Variants in RBM23 observed in about 807,000 individuals in gnomAD.
RBM23 encodes probable RNA-binding protein 23.
A neutral mutation model predicts 56.2 loss-of-function variants in RBM23; 53 were observed. The ratio of observed to expected loss-of-function variants is 0.94; its 90% CI spans 0.76 to 1.19. The LOEUF (loss-of-function observed/expected upper bound fraction) is 1.19, where lower values mean the gene tolerates loss of function less well. Ranked by LOEUF, RBM23 falls within the 50% of genes most tolerant of loss-of-function variation. The pLI is 0.00. For synonymous variants in RBM23, 197 were observed against 198.5 expected (o/e 0.99, Z 0.06); for missense variants, 642 against 590.3 (o/e 1.09, Z -0.91).
Position 22,898,178 on chromosome 14 carries a change from A to C in RBM23, c.*3552T>G, listed in dbSNP as rs1327115282. ...GTTCACAGGTCAAGCCTCTGCTTCT[A>C]CTGGTAACTCCTATCTGGGGGTTGT... is the stretch of plus-strand genomic sequence containing the variant. On this transcript the variant is annotated 3_prime_UTR_variant, in exon 14 of 14. Coordinates refer to ENST00000359890, the MANE Select transcript of RBM23 (RefSeq NM_001077351.2). The C allele has an allele frequency of 1.3e-5, 2 of 152,242 alleles. No individual in the cohort carries two copies. The highest frequency in any genetic ancestry group is 2.9e-5 in the Non-Finnish European group (2 of 68,040). The allele number at this position is 152,242 out of a possible 1,614,324, so 9.4% of individuals were successfully genotyped here. A position where few individuals can be genotyped will look rare whatever the true frequency, so the allele number is the denominator to read the frequency against.
At chr14:22,902,959 T>C (rs1262401846) in intron 10 of RBM23, 19 of 690,746 alleles carry the variant, frequency 2.8e-5, no homozygotes, top group Non-Finnish European at 3.4e-5. Flanking sequence ...ATTTTTATTT[T>C]TTAGTAGAGA....
chr14:22,910,464 A>T (rs1238383737), intron 2 of RBM23, among the ~76,000 whole-genome samples: 1 of 130,916 alleles, frequency 7.6e-6, no homozygotes, highest in Admixed American at 7.4e-5. Context: ...AAAAAAAAAA[A>T]AAAAAAAAAA....
intron 2 of RBM23, among the ~76,000 whole-genome samples, chr14:22,910,267 G>A (rs1425132422): frequency 6.8e-6 from 1 of 146,496 alleles, no homozygotes; most frequent in African/African-American, 2.5e-5. Context: ...TTCCAGACCA[G>A]CCTGACCAAC....
rs748672699 is a variant in RBM23, at chr14:22,901,797, T to C, written c.1316+17A>G. On this transcript the variant is annotated intron_variant, in intron 13 of 13. Coordinates refer to ENST00000359890, the MANE Select transcript of RBM23 (RefSeq NM_001077351.2). ...AGAATAATCAAAGGCTAGAATGAGC[T>C]AGACCCTGAGACTCACATGGTCTGG... 3 of 1,613,994 alleles carry C rather than the reference T, an allele frequency of 1.9e-6. No homozygotes were observed. Among genetic ancestry groups the C allele is most frequent in the Non-Finnish European group, 1.7e-6 (2 of 1,179,874 alleles).
Position 22,896,107 on chromosome 14 carries a change from G to A in RBM23, c.*5623C>T, listed in dbSNP as rs1392908361. 1 of 152,180 alleles carries A rather than the reference G, an allele frequency of 6.6e-6. No individual in the cohort carries two copies. The highest frequency in any genetic ancestry group is 2.4e-5 in the African/African-American group (1 of 41,442). The allele number at this position is 152,180 out of a possible 1,614,324, so 9.4% of individuals were successfully genotyped here. On this transcript the variant is annotated 3_prime_UTR_variant, in exon 14 of 14. Transcript: ENST00000359890. Reference sequence around the variant, plus strand: ...ATAAACCTTGAGCTCTAAAGTTGGGGAGAATGAAGTCAGCTAGAAAATCAA... The same window carrying A: ...ATAAACCTTGAGCTCTAAAGTTGGGAAGAATGAAGTCAGCTAGAAAATCAA...
rs1181689586 is a variant in RBM23 at position 22,904,454 on chromosome 14, TGACA to T, written c.865-132_865-129del. ...AAAGTCTCACCCACTCCAGCCTGGG[TGACA>T]GAGTGAGACCTTGTCTCGGAAAAAA... On this transcript the variant is annotated intron_variant, in intron 9 of 13. Transcript: ENST00000359890. 4 of 776,880 alleles carry T rather than the reference TGACA, an allele frequency of 5.1e-6. No individual in the cohort carries two copies. The African/African-American group carries it at 7.2e-5, about 14-fold the overall frequency. 48.1% of individuals were successfully genotyped at this position (776,880 alleles called of 1,614,324 possible).
chr14:22,919,013 C>T lies in RBM23; in HGVS notation c.-25G>A, dbSNP rs2044121729. ...GGGTTTCTCACCAGTTCCGGGTCCC[C>T]GCAGGGGGGTCCCGGTTCTCTCCGT... On this transcript the variant is annotated 5_prime_UTR_variant, in exon 1 of 14. Coordinates refer to ENST00000359890, the MANE Select transcript of RBM23 (RefSeq NM_001077351.2). The T allele has an allele frequency of 2.0e-5, 3 of 152,056 alleles. No individual in the cohort carries two copies. Among genetic ancestry groups the T allele is most frequent in the South Asian group, 2.1e-4 (1 of 4,828 alleles). 9.4% of individuals were successfully genotyped at this position (152,056 alleles called of 1,614,324 possible).
intron 5 of RBM23, 103 bp from the exon 6 acceptor site, chr14:22,905,762 T>G: frequency 1.1e-6 from 1 of 936,386 alleles, no homozygotes; most frequent in Non-Finnish European, 1.7e-6. Flanking sequence ...ATCTCATTGT[T>G]TTTTTAAGAC....
intron 1 of RBM23, among the ~76,000 whole-genome samples, chr14:22,913,413 CAAAAAAAAAA>C (rs57539414): frequency 8.6e-6 from 1 of 115,806 alleles, no homozygotes; most frequent in East Asian, 2.4e-4. Flanking sequence ...GGCTCCGTCT[CAAAAAAAAAA>C]AAAAAAAATT....
intron 1 of RBM23, among the ~76,000 whole-genome samples, chr14:22,916,764 T>TAGCTAAACCTCATTGTG (rs1297284957): frequency 6.6e-6 from 1 of 152,192 alleles, no homozygotes; most frequent in Admixed American, 6.5e-5. Flanking sequence ...TCAGTCCCAT[T>TAGCTAAACCTCATTGTG]AGCTAAACCT....
chr14:22,902,294 G>C lies in RBM23; in HGVS notation c.1019C>G (p.Thr340Ser). The C allele has an allele frequency of 6.2e-7, 1 of 1,614,170 alleles. No homozygotes were observed. Among genetic ancestry groups the C allele is most frequent in the Non-Finnish European group, 8.5e-7 (1 of 1,180,036 alleles). The change falls in exon 11 of 14, where the codon ACT becomes AGT. Residue 340 changes from threonine (T) to serine (S), a missense_variant. Physicochemically the swap from Thr to Ser is moderately conservative, Grantham distance 58 (BLOSUM62 1). Transcript: ENST00000359890. ...GTCTGTGCCACCATCCAGTCGCTCA[G>C]TCACATGGCCAACCCTCATAGGTCG... Reference protein sequence around the residue: ...AGRPMRVGHVTERLDGGTDIT... With the variant: ...AGRPMRVGHVSERLDGGTDIT...
chr14:22,910,854 T>C (rs1419161356), intron 2 of RBM23, among the ~76,000 whole-genome samples: 4 of 152,072 alleles, frequency 2.6e-5, no homozygotes, highest in Non-Finnish European at 4.4e-5. Context: ...CTACTAAAAA[T>C]ACAAAAATTA....
chr14:22,909,338 C>T, intron 3 of RBM23, 145 bp downstream of exon 3: 1 of 701,994 alleles, frequency 1.4e-6, no homozygotes, highest in Non-Finnish European at 2.5e-6. Context: ...AATCAAGTCA[C>T]CATTATTCTC....
chr14:22,902,319 G>C lies in RBM23; in HGVS notation c.994C>G (p.Arg332Gly). 1 of 1,614,072 alleles carries C rather than the reference G, an allele frequency of 6.2e-7. No homozygotes were observed. Among genetic ancestry groups the C allele is most frequent in the South Asian group, 1.1e-5 (1 of 91,058 alleles). The stretch of plus-strand genomic sequence containing the variant: ...GTCACATGGCCAACCCTCATAGGTC[G>C]ACCAGCAAGCTCAAACCCATTCAAC... ...EQLNGFELAGRPMRVGHVTER... is the reference protein window; with the variant it reads ...EQLNGFELAGGPMRVGHVTER... The change falls in exon 11 of 14, where the codon CGA (arginine) becomes GGA (glycine). Residue 332 changes from arginine to glycine, a missense_variant. Physicochemically the swap from Arg to Gly is moderately radical, Grantham distance 125. Coordinates refer to ENST00000359890, the MANE Select transcript of RBM23 (RefSeq NM_001077351.2).
At chr14:22,909,273 T>C (rs1036388659) in intron 3 of RBM23, among the ~76,000 whole-genome samples, 2 of 152,150 alleles carry the variant, frequency 1.3e-5, no homozygotes, top group Non-Finnish European at 2.9e-5. Flanking sequence ...ATGAAGTATA[T>C]TGATGCTAGG....
intron 10 of RBM23, 148 bp from the exon 11 acceptor site, chr14:22,902,530 C>T (rs1179164981): frequency 7.2e-6 from 10 of 1,391,190 alleles, no homozygotes; most frequent in Non-Finnish European, 9.4e-6. Flanking sequence ...TGACCTAGGC[C>T]CATCACCTCA....
chr14:22,904,812 T>A, intron 9 of RBM23, 63 bp downstream of exon 9: 1 of 1,603,614 alleles, frequency 6.2e-7, no homozygotes, highest in Non-Finnish European at 8.5e-7. Flanking sequence ...AGAAGTACAC[T>A]CAAACACTCA....
At chr14:22,905,522 G>A in intron 6 of RBM23, 69 bp from the exon 7 acceptor site, 1 of 1,589,000 alleles carries the variant, frequency 6.3e-7, no homozygotes, top group South Asian at 1.1e-5. Context: ...TAACCCTCAA[G>A]TATTACACAT....
At chr14:22,901,781 A>G in intron 13 of RBM23, 33 bp downstream of exon 13, 2 of 1,614,040 alleles carry the variant, frequency 1.2e-6, no homozygotes, top group Non-Finnish European at 1.7e-6. Context: ...GAGAATAATC[A>G]AAGGCTAGAA....
Sources: allele counts gnomAD v4.1 joint callset (sites outside exome capture counted in the v4.1 genomes callset), GRCh38; gene constraint gnomAD v4.1.1; transcripts MANE v1.5; gene names NCBI Gene and HGNC (gene_info 2026-07-23, HGNC 2026-07-21).